Variants in PIGF observed in about 807,000 individuals in gnomAD.
PIGF encodes the protein phosphatidylinositol glycan anchor biosynthesis class F.
Under a neutral mutation model 26.0 loss-of-function variants are expected in PIGF, and 23 were observed. The observed-to-expected ratio is 0.88, with a 90% CI of 0.64 to 1.25. The LOEUF (loss-of-function observed/expected upper bound fraction) is 1.25, where lower values mean the gene tolerates loss of function less well. Ranked by LOEUF, PIGF falls within the 50% of genes most tolerant of loss-of-function variation. The probability of loss-of-function intolerance (pLI) is 0.00; values close to 1 mark genes in which losing one functional copy is unlikely to be tolerated. For synonymous variants in PIGF, 93 were observed against 92.6 expected (o/e 1.00, Z -0.03); for missense variants, 278 against 249.9 (o/e 1.11, Z -0.76).
At chr2:46,613,650 G>C (rs768491221) in intron 3 of PIGF, 44 bp downstream of exon 3, 10 of 1,386,304 alleles carry the variant, frequency 7.2e-6, no homozygotes, top group Non-Finnish European at 9.7e-6. Flanking sequence ...TTTGGTAAAT[G>C]AATGTTTTAA....
At chr2:46,602,209 G>A (rs978514062) in intron 4 of PIGF, among the ~76,000 whole-genome samples, 35 of 151,714 alleles carry the variant, frequency 2.3e-4, no homozygotes, top group African/African-American at 8.0e-4. Flanking sequence ...TGTTTTCCTG[G>A]AGTAACTTAA....
chr2:46,583,347 A>G (rs563468722), intron 5 of PIGF, among the ~76,000 whole-genome samples: 1 of 152,238 alleles, frequency 6.6e-6, no homozygotes, highest in South Asian at 2.1e-4. Flanking sequence ...GAGATCTCCA[A>G]CGTCTCTCCC....
At chr2:46,581,647 C>T in intron 5 of PIGF, 56 bp from the exon 6 acceptor site, 2 of 1,571,484 alleles carry the variant, frequency 1.3e-6, no homozygotes, top group Non-Finnish European at 1.7e-6. Flanking sequence ...ATTACTTGAG[C>T]ACAAGTGTAA....
intron 4 of PIGF, among the ~76,000 whole-genome samples, chr2:46,610,796 C>G (rs1040860613): frequency 1.3e-5 from 2 of 152,146 alleles, no homozygotes; most frequent in African/African-American, 4.8e-5. Flanking sequence ...TCCCAAAGTG[C>G]TGAGATTACA....
chr2:46,607,325 A>G, intron 4 of PIGF, among the ~76,000 whole-genome samples: 1 of 152,288 alleles, frequency 6.6e-6, no homozygotes, highest in African/African-American at 2.4e-5. Context: ...AACCTTTACC[A>G]AGGAAACCTT....
intron 4 of PIGF, among the ~76,000 whole-genome samples, chr2:46,608,047 G>A (rs1289429456): frequency 1.3e-5 from 2 of 152,176 alleles, no homozygotes; most frequent in African/African-American, 4.8e-5. Context: ...TGCATCAATT[G>A]ACTCTTCCTT....
At chr2:46,615,835 T>A (rs1670600591) in intron 1 of PIGF, 1 of 152,080 alleles carries the variant, frequency 6.6e-6, no homozygotes, top group African/African-American at 2.4e-5. Context: ...TTACAGGTGT[T>A]AAATTCCAAC....
chr2:46,595,773 CTTT>C (rs1208783520), intron 4 of PIGF, among the ~76,000 whole-genome samples: 2 of 152,034 alleles, frequency 1.3e-5, no homozygotes, highest in Admixed American at 6.6e-5. Flanking sequence ...TTGTCATTAT[CTTT>C]TTTTTATTAC....
intron 1 of PIGF, chr2:46,616,558 G>A (rs1038017012): frequency 1.3e-5 from 2 of 153,804 alleles, no homozygotes; most frequent in Non-Finnish European, 2.9e-5. Flanking sequence ...AAGTGCCACG[G>A]GCATGACCCG....
rs80220600 is a variant in PIGF at position 46,586,459 on chromosome 2, T to C, written c.547-4868A>G. ...GTTCCAATATAATAAATATTACTTA[T>C]AATTTTGGGGGAGATTTACACTGTC... On this transcript the variant is annotated intron_variant, in intron 5 of 5. Transcript: ENST00000281382. Among the ~76,000 whole-genome samples the C allele has an allele frequency of 3.2e-4, 49 of 152,290 alleles. No individual in the cohort carries two copies. The East Asian group carries it at 5.4e-3, about 17-fold the overall frequency.
rs999032100 is a variant in PIGF, at chr2:46,614,849, C to T, written c.228+88G>A. On this transcript the variant is annotated intron_variant, in intron 2 of 5. Coordinates refer to ENST00000281382, the MANE Select transcript of PIGF (RefSeq NM_002643.4). ...GTTCCCTTTGCTCACTATAAATAAGCTAATAAAGACTTGATGAATACTTTA... is the reference window on the plus strand; with the variant it reads ...GTTCCCTTTGCTCACTATAAATAAGTTAATAAAGACTTGATGAATACTTTA... The T allele has an allele frequency of 2.7e-5, 18 of 658,428 alleles. No individual in the cohort carries two copies. The South Asian group carries it at 3.5e-4, about 13-fold the overall frequency. The allele number at this position is 658,428 out of a possible 1,614,324, so 40.8% of individuals were successfully genotyped here. A position where few individuals can be genotyped will look rare whatever the true frequency, so the allele number is the denominator to read the frequency against.
At position 46,604,361 on chromosome 2, in the gene PIGF, C is replaced by T. The variant is rs139915463; in HGVS notation, c.437+7867G>A. Among the ~76,000 whole-genome samples the T allele has an allele frequency of 7.6e-3, 1,148 of 151,878 alleles. 16 individuals carry two copies. Among genetic ancestry groups the T allele is most frequent in the African/African-American group, 0.027 (1,112 of 41,428 alleles). On this transcript the variant is annotated intron_variant, in intron 4 of 5. Transcript: ENST00000281382. ...CAGCAATCACATTGCTAGGTATATA[C>T]CCAAAAGAAAGGAAATCAGTATATT...
At chr2:46,596,162 C>A (rs1021770958) in intron 4 of PIGF, among the ~76,000 whole-genome samples, 1 of 149,498 alleles carries the variant, frequency 6.7e-6, no homozygotes, top group Non-Finnish European at 1.5e-5. Flanking sequence ...TGTCGTGAGC[C>A]GAGACGATGC....
intron 4 of PIGF, among the ~76,000 whole-genome samples, chr2:46,593,740 A>G (rs1669794485): frequency 6.6e-6 from 1 of 152,268 alleles, no homozygotes; most frequent in Non-Finnish European, 1.5e-5. Context: ...TCAATTGTTT[A>G]AATTGCAAGG....
At chr2:46,607,938 T>A (rs1463999869) in intron 4 of PIGF, among the ~76,000 whole-genome samples, 1 of 152,194 alleles carries the variant, frequency 6.6e-6, no homozygotes, top group East Asian at 1.9e-4. Context: ...CCTCAAGTGA[T>A]CTGCCTGTCT....
intron 5 of PIGF, chr2:46,591,759 G>T: frequency 1.7e-6 from 2 of 1,186,720 alleles, no homozygotes; most frequent in Non-Finnish European, 2.2e-6. Context: ...CCCTCTAGGT[G>T]TCAGTTTCCT....
At chr2:46,602,370 T>C (rs1670087510) in intron 4 of PIGF, among the ~76,000 whole-genome samples, 1 of 151,958 alleles carries the variant, frequency 6.6e-6, no homozygotes, top group Admixed American at 6.6e-5. Context: ...GTCACATGAC[T>C]ATCATGTGTT....
intron 4 of PIGF, among the ~76,000 whole-genome samples, 159 bp downstream of exon 4, chr2:46,612,069 T>C (rs182676985): frequency 8.5e-5 from 13 of 152,214 alleles, no homozygotes; most frequent in Non-Finnish European, 1.6e-4. Context: ...CTGCCTGCCC[T>C]GTCCCCAGTC....
At position 46,581,426 on chromosome 2, in the gene PIGF, T is replaced by G. The variant is rs1669367752; in HGVS notation, c.*52A>C. 1.3e-5 allele frequency: 20 copies of G among 1,583,186 alleles called. No individual in the cohort carries two copies. Among genetic ancestry groups the G allele is most frequent in the Non-Finnish European group, 1.6e-5 (19 of 1,164,530 alleles). Reference sequence around the variant, plus strand: ...CTGCTTGGCTTTGACCATACACATTTCTGCCCAGCCCTTACAGAATCTGCA... The same window carrying G: ...CTGCTTGGCTTTGACCATACACATTGCTGCCCAGCCCTTACAGAATCTGCA... On this transcript the variant is annotated 3_prime_UTR_variant, in exon 6 of 6. Coordinates refer to ENST00000281382, the MANE Select transcript of PIGF (RefSeq NM_002643.4).
Sources: allele counts gnomAD v4.1 joint callset (sites outside exome capture counted in the v4.1 genomes callset), GRCh38; gene constraint gnomAD v4.1.1; transcripts MANE v1.5; gene names NCBI Gene and HGNC (gene_info 2026-07-23, HGNC 2026-07-21).